Variants in CNTNAP2 observed in about 807,000 individuals in gnomAD.
CNTNAP2 encodes the protein contactin-associated protein-like 2.
In CNTNAP2, 98 loss-of-function variants were observed where a neutral mutation model predicts 155.2. The ratio of observed to expected loss-of-function variants is 0.63; its 90% CI spans 0.54 to 0.75. The LOEUF (loss-of-function observed/expected upper bound fraction) is 0.75, where lower values mean the gene tolerates loss of function less well. CNTNAP2 is among the 30% of genes least tolerant of loss of function. The pLI is 0.00. For missense variants in CNTNAP2, 1,727 were observed against 1,688.1 expected (o/e 1.02, Z -0.40); for synonymous variants, 651 against 631.2 (o/e 1.03, Z -0.47).
At chr7:147,357,518 A>G (rs968120298) in intron 9 of CNTNAP2, among the ~76,000 whole-genome samples, 1 of 151,344 alleles carries the variant, frequency 6.6e-6, no homozygotes, top group Admixed American at 6.6e-5. Flanking sequence ...AATGAGTAAT[A>G]TTTTAATAAT....
intron 9 of CNTNAP2, among the ~76,000 whole-genome samples, chr7:147,363,316 A>G (rs1037984980): frequency 1.3e-5 from 2 of 152,180 alleles, no homozygotes; most frequent in African/African-American, 4.8e-5. Context: ...TTGATCTTGG[A>G]TTCCCCAACT....
At position 148,059,328 on chromosome 7, in the gene CNTNAP2, C is replaced by T. The variant is rs779613332; in HGVS notation, c.2384-58790C>T. Among the ~76,000 whole-genome samples, 4 of 151,946 alleles carry T rather than the reference C, an allele frequency of 2.6e-5. 1 individual carries two copies. Among genetic ancestry groups the T allele is most frequent in the African/African-American group, 7.3e-5 (3 of 41,378 alleles). ...ACAAAAGGTCTGGCACGGTGGCTCA[C>T]ACCTATAATCCCAGCACTTTTGGAG... On this transcript the variant is annotated intron_variant, in intron 15 of 23. Transcript: ENST00000361727.
At chr7:147,918,379 T>C (rs1233406974) in intron 14 of CNTNAP2, among the ~76,000 whole-genome samples, 2 of 152,234 alleles carry the variant, frequency 1.3e-5, no homozygotes, top group Non-Finnish European at 2.9e-5. Context: ...ATCTCTGCTT[T>C]AGGCTTTGTA....
At chr7:146,142,769 A>G (rs1258293106) in intron 1 of CNTNAP2, among the ~76,000 whole-genome samples, 3 of 152,308 alleles carry the variant, frequency 2.0e-5, no homozygotes, top group East Asian at 3.9e-4. Flanking sequence ...CCATCCTACT[A>G]TGACTGCCAA....
At chr7:147,352,543 A>G (rs1795984569) in intron 9 of CNTNAP2, among the ~76,000 whole-genome samples, 1 of 151,994 alleles carries the variant, frequency 6.6e-6, no homozygotes, top group Non-Finnish European at 1.5e-5. Context: ...CAGTTTTTAG[A>G]AGCTGTTTAG....
chr7:147,366,884 C>T (rs1035799716), intron 9 of CNTNAP2, among the ~76,000 whole-genome samples: 1 of 152,106 alleles, frequency 6.6e-6, no homozygotes, highest in South Asian at 2.1e-4. Flanking sequence ...TTTAGAGACT[C>T]GCAATATAAT....
intron 3 of CNTNAP2, among the ~76,000 whole-genome samples, chr7:146,878,074 T>C (rs552614569): frequency 1.4e-4 from 21 of 152,272 alleles, no homozygotes; most frequent in African/African-American, 5.1e-4. Flanking sequence ...TATTTTGGTG[T>C]TTATTCATGG....
intron 9 of CNTNAP2, among the ~76,000 whole-genome samples, chr7:147,358,859 C>T (rs976094017): frequency 6.6e-6 from 1 of 152,054 alleles, no homozygotes; most frequent in Non-Finnish European, 1.5e-5. Flanking sequence ...TAGATGAACA[C>T]AATGGCCTCA....
chr7:147,238,158 GCGCC>G (rs1221882361), intron 8 of CNTNAP2, among the ~76,000 whole-genome samples: 1 of 152,164 alleles, frequency 6.6e-6, no homozygotes. Context: ...GGGACTACAG[GCGCC>G]CGCCACCACG....
intron 13 of CNTNAP2, among the ~76,000 whole-genome samples, chr7:147,705,786 C>A (rs1010359262): frequency 6.6e-6 from 1 of 152,140 alleles, no homozygotes; most frequent in Non-Finnish European, 1.5e-5. Flanking sequence ...CTGAGTTGAT[C>A]CTTTTTCATC....
chr7:147,174,348 C>T lies in CNTNAP2; in HGVS notation c.1348+41839C>T, dbSNP rs1217194548. ...CAATGCAATTTCTTATCCAGGTATC[C>T]ATTCTTTCAATCCTTCCTAATTTTG... On this transcript the variant is annotated intron_variant, in intron 8 of 23. Coordinates refer to ENST00000361727, the MANE Select transcript of CNTNAP2 (RefSeq NM_014141.6). 3.3e-5 allele frequency among the ~76,000 whole-genome samples: 5 copies of T among 152,030 alleles called. No homozygotes were observed. In the East Asian group the frequency reaches 9.6e-4, roughly 29 times the overall value.
rs943526066 is a variant in CNTNAP2 at position 147,383,153 on chromosome 7, T to C, written c.1499-12456T>C. ...TTAGGTCTTGGTGTCAGTTCTCTTA[T>C]CAGAAAGGTCTCTGACCGGCAGTTT... is the stretch of plus-strand genomic sequence containing the variant. On this transcript the variant is annotated intron_variant, in intron 9 of 23. Coordinates refer to ENST00000361727, the MANE Select transcript of CNTNAP2 (RefSeq NM_014141.6). Among the ~76,000 whole-genome samples, 10 of 152,260 alleles carry C rather than the reference T, an allele frequency of 6.6e-5. No homozygotes were observed. The East Asian group carries it at 1.9e-3, about 29-fold the overall frequency.
rs1272774251 is a variant in CNTNAP2 at position 147,467,928 on chromosome 7, G to A, written c.1671-18007G>A. On this transcript the variant is annotated intron_variant, in intron 10 of 23. Transcript: ENST00000361727. ...TGCCTGTAGTCCTAGCTTCTCAGGA[G>A]GCTGAAGAGGGAGGATTGCTTGAGC... Among the ~76,000 whole-genome samples, 8 of 152,200 alleles carry A rather than the reference G, an allele frequency of 5.3e-5. No individual in the cohort carries two copies. The East Asian group carries it at 1.6e-3, about 29-fold the overall frequency.
rs1320725551 is a variant in CNTNAP2, at chr7:146,234,396, C to A, written c.97+117423C>A. Among the ~76,000 whole-genome samples the A allele has an allele frequency of 3.9e-5, 6 of 152,090 alleles. No individual in the cohort carries two copies. In the East Asian group the frequency reaches 9.6e-4, roughly 24 times the overall value. On this transcript the variant is annotated intron_variant, in intron 1 of 23. Transcript: ENST00000361727. ...CAGATGAGTAGGTTGCAAAAATTTTCTCCCATTGTGTAGGTTGCCTGTTCA... is the reference window on the plus strand; with the variant it reads ...CAGATGAGTAGGTTGCAAAAATTTTATCCCATTGTGTAGGTTGCCTGTTCA...
chr7:148,229,161 C>A (rs916841553), intron 19 of CNTNAP2, among the ~76,000 whole-genome samples: 2 of 152,174 alleles, frequency 1.3e-5, no homozygotes, highest in African/African-American at 4.8e-5. Context: ...GGTCAGTAGG[C>A]CTCTGAGCTC....
At chr7:146,751,279 A>G (rs1308704915) in intron 1 of CNTNAP2, among the ~76,000 whole-genome samples, 1 of 151,518 alleles carries the variant, frequency 6.6e-6, no homozygotes, top group Non-Finnish European at 1.5e-5. Flanking sequence ...AAATTTAATT[A>G]AAGTATTTTT....
chr7:146,717,201 C>A (rs1435249201), intron 1 of CNTNAP2, among the ~76,000 whole-genome samples: 1 of 152,098 alleles, frequency 6.6e-6, no homozygotes, highest in African/African-American at 2.4e-5. Context: ...ATGCAGAGAG[C>A]TGTTTGTGTC....
chr7:147,948,253 A>G (rs1800855225), intron 14 of CNTNAP2, among the ~76,000 whole-genome samples: 1 of 152,162 alleles, frequency 6.6e-6, no homozygotes, highest in African/African-American at 2.4e-5. Flanking sequence ...ATAGCACAAC[A>G]GAGTGACTAT....
chr7:146,539,884 A>G (rs1190195605), intron 1 of CNTNAP2, among the ~76,000 whole-genome samples: 1 of 152,148 alleles, frequency 6.6e-6, no homozygotes, highest in Non-Finnish European at 1.5e-5. Flanking sequence ...AAGAAAAACA[A>G]AACAACAGCA....
Sources: gnomAD v4.1 joint callset for allele counts (sites outside exome capture counted in the v4.1 genomes callset) on GRCh38, gnomAD v4.1.1 for gene constraint, MANE v1.5 for transcripts, NCBI Gene and HGNC (gene_info 2026-07-23, HGNC 2026-07-21) for gene names.